The following ALDH2 variants were observed in gnomAD, a reference collection of about 807,000 sequenced individuals.
ALDH2 encodes aldehyde dehydrogenase 2 family member.
ALDH2 carries 44 observed loss-of-function variants against 59.6 expected under a neutral mutation model. That is an observed-to-expected ratio of 0.74 (90% CI 0.58 to 0.95). The LOEUF (loss-of-function observed/expected upper bound fraction) is 0.95, where lower values mean the gene tolerates loss of function less well. Ranked by LOEUF, ALDH2 falls within the 40% of genes least tolerant of loss-of-function variation. The pLI is 0.00. For missense variants in ALDH2, 570 were observed against 696.3 expected (o/e 0.82, Z 2.04); for synonymous variants, 291 against 284.0 (o/e 1.02, Z -0.25).
chr12:111,790,621 G>T, intron 6 of ALDH2, 59 bp downstream of exon 6: 2 of 1,608,276 alleles, frequency 1.2e-6, no homozygotes, highest in Non-Finnish European at 1.7e-6. Context: ...TGTTCTAAAG[G>T]AGTTCTGAGA....
chr12:111,808,442 C>T (rs1419696743), intron 12 of ALDH2, among the ~76,000 whole-genome samples: 3 of 152,146 alleles, frequency 2.0e-5, no homozygotes, highest in African/African-American at 4.8e-5. Flanking sequence ...CGGTGGCTCA[C>T]GCCTGTAATC....
chr12:111,809,740 T>A lies in ALDH2; in HGVS notation c.*165T>A. 1.3e-6 allele frequency: 1 copy of A among 750,598 alleles called. No individual in the cohort carries two copies. Among genetic ancestry groups the A allele is most frequent in the Non-Finnish European group, 2.2e-6 (1 of 456,668 alleles). The allele number at this position is 750,598 out of a possible 1,614,324, so 46.5% of individuals were successfully genotyped here. A position where few individuals can be genotyped will look rare whatever the true frequency, so the allele number is the denominator to read the frequency against. ...CTAGAATTTGAATTGATAAACATGG[T>A]GGGTTGGCTGAGGGTAAGAGTATAT... On this transcript the variant is annotated 3_prime_UTR_variant, in exon 13 of 13. Coordinates refer to ENST00000261733, the MANE Select transcript of ALDH2 (RefSeq NM_000690.4).
chr12:111,789,969 C>T (rs747615625), intron 5 of ALDH2, 35 bp downstream of exon 5: 1 of 1,591,586 alleles, frequency 6.3e-7, no homozygotes, highest in Non-Finnish European at 8.6e-7. Context: ...CTTCAGGGTG[C>T]CCTGAGATTT....
chr12:111,781,515 CTA>C (rs1270254487), intron 1 of ALDH2, among the ~76,000 whole-genome samples: 5 of 152,302 alleles, frequency 3.3e-5, no homozygotes, highest in African/African-American at 1.2e-4. Context: ...AGGTGGATGA[CTA>C]TTGGCCCCAG....
In ALDH2 at chr12:111,815,762, A is replaced by G. The variant is rs2068565414; in HGVS notation, c.*6187A>G. 6.7e-6 allele frequency: 1 copy of G among 148,262 alleles called. No individual in the cohort carries two copies. Among genetic ancestry groups the G allele is most frequent in the African/African-American group, 2.5e-5 (1 of 39,592 alleles). The allele number at this position is 148,262 out of a possible 1,614,324, so 9.2% of individuals were successfully genotyped here. On this transcript the variant is annotated 3_prime_UTR_variant, in exon 13 of 13. Coordinates refer to ENST00000261733, the MANE Select transcript of ALDH2 (RefSeq NM_000690.4). ...GTAGCTGGGATTATAGGCGTGCACT[A>G]CCATGCATATATATATATATTTTTT...
rs1369272855 is a variant in ALDH2 at position 111,792,584 on chromosome 12, C to T, written c.899-14C>T. ...CTCACTGTCACCTTTCTGTCTCCTG[C>T]CCACTTCCCGCAGTGGATTGGGCCG... is the stretch of plus-strand genomic sequence containing the variant. On this transcript the variant is annotated splice_polypyrimidine_tract_variant and intron_variant, in intron 8 of 12. Coordinates refer to ENST00000261733, the MANE Select transcript of ALDH2 (RefSeq NM_000690.4). 1 of 1,606,808 alleles carries T rather than the reference C, an allele frequency of 6.2e-7. No individual in the cohort carries two copies. The highest frequency in any genetic ancestry group is 8.5e-7 in the Non-Finnish European group (1 of 1,177,910).
chr12:111,806,688 G>A (rs1388413815), intron 12 of ALDH2, among the ~76,000 whole-genome samples: 2 of 152,234 alleles, frequency 1.3e-5, no homozygotes, highest in African/African-American at 4.8e-5. Context: ...ATGGTAGAAT[G>A]AGGCCAGGAG....
At chr12:111,796,613 A>T (rs896136930) in intron 9 of ALDH2, among the ~76,000 whole-genome samples, 1 of 152,150 alleles carries the variant, frequency 6.6e-6, no homozygotes, top group African/African-American at 2.4e-5. Flanking sequence ...TTTATTTTTT[A>T]AAAAATAGGC....
chr12:111,799,986 G>A lies in ALDH2; in HGVS notation c.1329G>A (p.Gly443=). The A allele has an allele frequency of 6.2e-7, 1 of 1,613,916 alleles. No individual in the cohort carries two copies. Among genetic ancestry groups the A allele is most frequent in the Non-Finnish European group, 8.5e-7 (1 of 1,179,956 alleles). The change falls in exon 11 of 13, where the codon GGG becomes GGA. Residue 443 remains glycine, a synonymous_variant. Transcript: ENST00000261733. ...GGAGAGCCAACAATTCCACGTACGG[G>A]CTGGCCGCAGCTGTCTTCACAAAGG... ...VVGRANNSTY[G]LAAAVFTKDL...
chr12:111,787,469 G>A (rs746167120), intron 4 of ALDH2, among the ~76,000 whole-genome samples: 5 of 152,196 alleles, frequency 3.3e-5, no homozygotes, highest in Non-Finnish European at 7.3e-5. Flanking sequence ...AGGACCCTGA[G>A]TGGCTGGCCT....
At position 111,814,413 on chromosome 12, in the gene ALDH2, A is replaced by T. The variant is rs1434237865; in HGVS notation, c.*4838A>T. On this transcript the variant is annotated 3_prime_UTR_variant, in exon 13 of 13. Coordinates refer to ENST00000261733, the MANE Select transcript of ALDH2 (RefSeq NM_000690.4). Reference sequence around the variant, plus strand: ...AAATTAGCTGGGCATGGTGGCTGGCACCTGTAATCCCAGCTACTCAGGAGG... The same window carrying T: ...AAATTAGCTGGGCATGGTGGCTGGCTCCTGTAATCCCAGCTACTCAGGAGG... 1 of 149,136 alleles carries T rather than the reference A, an allele frequency of 6.7e-6. No homozygotes were observed. Among genetic ancestry groups the T allele is most frequent in the Non-Finnish European group, 1.5e-5 (1 of 67,326 alleles). 9.2% of individuals were successfully genotyped at this position (149,136 alleles called of 1,614,324 possible). A position where few individuals can be genotyped will look rare whatever the true frequency, so the allele number is the denominator to read the frequency against.
At chr12:111,785,159 TG>T in intron 3 of ALDH2, 107 bp from the exon 4 acceptor site, 1 of 857,530 alleles carries the variant, frequency 1.2e-6, no homozygotes, top group South Asian at 1.3e-5. Flanking sequence ...ACTCTCACCC[TG>T]GGCTTGCACC....
chr12:111,777,939 TCTC>T (rs2068244920), intron 1 of ALDH2, among the ~76,000 whole-genome samples: 1 of 152,162 alleles, frequency 6.6e-6, no homozygotes, highest in Admixed American at 6.5e-5. Context: ...CCCATGTTCT[TCTC>T]CGGTGCCAAG....
At chr12:111,791,238 T>C (rs2068356294) in intron 6 of ALDH2, 68 bp from the exon 7 acceptor site, 2 of 1,200,104 alleles carry the variant, frequency 1.7e-6, no homozygotes, top group South Asian at 2.6e-5. Flanking sequence ...AAAGGATGTG[T>C]CTTCCCCTGG....
chr12:111,768,844 T>G (rs1242993402), intron 1 of ALDH2, among the ~76,000 whole-genome samples: 1 of 151,586 alleles, frequency 6.6e-6, no homozygotes, highest in Non-Finnish European at 1.5e-5. Flanking sequence ...ATTAGTCAGG[T>G]GCGGTGGCAC....
At chr12:111,802,879 CAAAA>C (rs747777133) in intron 11 of ALDH2, among the ~76,000 whole-genome samples, 1 of 53,012 alleles carries the variant, frequency 1.9e-5, no homozygotes, top group Non-Finnish European at 3.6e-5. Flanking sequence ...GACTCTGTCT[CAAAA>C]AAAAAAAAAA....
intron 1 of ALDH2, among the ~76,000 whole-genome samples, chr12:111,779,607 T>G (rs1029602728): frequency 2.6e-5 from 4 of 152,122 alleles, no homozygotes; most frequent in African/African-American, 9.7e-5. Flanking sequence ...TGGCCCAGAG[T>G]GACCATGGAT....
intron 10 of ALDH2, chr12:111,799,704 G>A (rs1012070327): frequency 1.9e-6 from 1 of 516,528 alleles, no homozygotes; most frequent in East Asian, 3.0e-5. Context: ...AAAGCCCGGG[G>A]CGCACAGGAG....
intron 4 of ALDH2, among the ~76,000 whole-genome samples, chr12:111,787,806 G>A (rs565067318): frequency 6.6e-6 from 1 of 152,038 alleles, no homozygotes; most frequent in Admixed American, 6.6e-5. Context: ...TCGCGGCGGG[G>A]GGATCACGAG....
Sources: allele counts gnomAD v4.1 joint callset (sites outside exome capture counted in the v4.1 genomes callset), GRCh38; gene constraint gnomAD v4.1.1; transcripts MANE v1.5; gene names NCBI Gene and HGNC (gene_info 2026-07-23, HGNC 2026-07-21).